FANCM: variants seen among roughly 807,000 people sequenced by gnomAD.
The protein encoded by FANCM is Fanconi anemia group M protein.
A neutral mutation model predicts 199.5 loss-of-function variants in FANCM; 140 were observed. The ratio of observed to expected loss-of-function variants is 0.70; its 90% CI spans 0.61 to 0.81. The LOEUF is 0.81. FANCM is among the 30% of genes least tolerant of loss of function. The pLI is 0.00. For missense variants in FANCM, 2,410 were observed against 2,421.4 expected, an observed-to-expected ratio of 1.00 and a Z score of 0.10; for synonymous variants, 840 against 836.8, an observed-to-expected ratio of 1.00 and a Z score of -0.07.
intron 3 of FANCM, 145 bp from the exon 4 acceptor site, chr14:45,148,692 C>T (rs1886602254): frequency 1.6e-6 from 1 of 622,898 alleles, no homozygotes. Context: ...TTTTTATAGG[C>T]TTATCTTCTT....
At chr14:45,145,314 C>A (rs1886283143) in intron 3 of FANCM, among the ~76,000 whole-genome samples, 2 of 151,910 alleles carry the variant, frequency 1.3e-5, no homozygotes. Flanking sequence ...GGTGCAATCA[C>A]TCCTTTAACT....
chr14:45,185,428 TTAAATATTTTAATC>T lies in FANCM; in HGVS notation c.4672+56_4672+69del. 8 of 1,011,776 alleles carry T rather than the reference TTAAATATTTTAATC, an allele frequency of 7.9e-6. No homozygotes were observed. In the South Asian group the frequency reaches 1.1e-4, roughly 14 times the overall value. 62.7% of individuals were successfully genotyped at this position (1,011,776 alleles called of 1,614,324 possible). On this transcript the variant is annotated intron_variant, in intron 18 of 22. Transcript: ENST00000267430. ...TTTCAATGTTTTTATGTGCTTATATTTAAATATTTTAATCAGTTTTTAATGAAACTAGACCTTAA... is the reference window on the plus strand; with the variant it reads ...TTTCAATGTTTTTATGTGCTTATATTAGTTTTTAATGAAACTAGACCTTAA...
chr14:45,181,772 T>C (rs773642065), intron 16 of FANCM, 67 bp downstream of exon 16: 8 of 925,172 alleles, frequency 8.6e-6, no homozygotes, highest in African/African-American at 3.3e-5. Context: ...GAGAGAAATA[T>C]ATGTGTAGAT....
intron 21 of FANCM, among the ~76,000 whole-genome samples, chr14:45,198,112 A>G (rs1890169033): frequency 6.6e-6 from 1 of 152,156 alleles, no homozygotes; most frequent in African/African-American, 2.4e-5. Flanking sequence ...TGGAATAGAC[A>G]GGAAGGTAAC....
chr14:45,160,816 C>T (rs1887551872), intron 9 of FANCM, among the ~76,000 whole-genome samples: 2 of 152,298 alleles, frequency 1.3e-5, no homozygotes, highest in African/African-American at 4.8e-5. Flanking sequence ...GCTGGGATTA[C>T]AGGCGTGAGC....
chr14:45,157,420 T>C (rs1887275287), intron 8 of FANCM, among the ~76,000 whole-genome samples: 1 of 151,972 alleles, frequency 6.6e-6, no homozygotes, highest in African/African-American at 2.4e-5. Flanking sequence ...AGTTAAGAGT[T>C]TGGAGGAAAA....
chr14:45,172,325 T>C (rs1888391530), intron 12 of FANCM, among the ~76,000 whole-genome samples: 1 of 152,220 alleles, frequency 6.6e-6, no homozygotes, highest in Non-Finnish European at 1.5e-5. Context: ...ATGAACTCTT[T>C]GCCTAAGCCA....
At position 45,153,856 on chromosome 14, in the gene FANCM, T is replaced by C. The variant is rs796856043; in HGVS notation, c.1051-64T>C. ...TTACACTGACTATGGCCTGACAACT[T>C]GGGCATGGAGCATGTATGTTCATTT... On this transcript the variant is annotated intron_variant, in intron 5 of 22. Coordinates refer to ENST00000267430, the MANE Select transcript of FANCM (RefSeq NM_020937.4). 16 of 1,299,894 alleles carry C rather than the reference T, an allele frequency of 1.2e-5. No homozygotes were observed. In the African/African-American group the frequency reaches 2.0e-4, roughly 17 times the overall value. 80.5% of individuals were successfully genotyped at this position (1,299,894 alleles called of 1,614,324 possible). A position where few individuals can be genotyped will look rare whatever the true frequency, so the allele number is the denominator to read the frequency against.
chr14:45,184,937 C>A (rs1366960047), intron 17 of FANCM, among the ~76,000 whole-genome samples: 2 of 147,614 alleles, frequency 1.4e-5, no homozygotes, highest in Admixed American at 1.4e-4. Flanking sequence ...CCACACCCTG[C>A]CAATTTTTTT....
chr14:45,183,637 T>C (rs1318082237), intron 16 of FANCM, 137 bp from the exon 17 acceptor site: 2 of 610,760 alleles, frequency 3.3e-6, no homozygotes, highest in Non-Finnish European at 5.7e-6. Flanking sequence ...ACCTAAGTTA[T>C]TTACTTTTAC....
intron 20 of FANCM, among the ~76,000 whole-genome samples, chr14:45,193,567 G>T (rs1359004680): frequency 6.6e-6 from 1 of 152,186 alleles, no homozygotes; most frequent in Non-Finnish European, 1.5e-5. Context: ...TTTCGTTAAT[G>T]ATATAAAAGT....
In FANCM at chr14:45,167,176, T is replaced by C; in HGVS notation, c.2002+13T>C. 2.0e-6 allele frequency: 3 copies of C among 1,512,168 alleles called. No individual in the cohort carries two copies. The highest frequency in any genetic ancestry group is 2.8e-6 in the Non-Finnish European group (3 of 1,087,150). The allele number at this position is 1,512,168 out of a possible 1,614,324, so 93.7% of individuals were successfully genotyped here. A position where few individuals can be genotyped will look rare whatever the true frequency, so the allele number is the denominator to read the frequency against. On this transcript the variant is annotated intron_variant, in intron 11 of 22. Transcript: ENST00000267430. ...TCCTATAGGGATGGTAAATAAATTT[T>C]GCATTTGACACATGCATTTTTCCCC...
At chr14:45,199,820 A>G in intron 22 of FANCM, 50 bp from the exon 23 acceptor site, 1 of 1,581,082 alleles carries the variant, frequency 6.3e-7, no homozygotes, top group Non-Finnish European at 8.7e-7. Flanking sequence ...ATTAAATTTT[A>G]TAAAAGCCAA....
chr14:45,172,401 C>T (rs116439864), intron 12 of FANCM, among the ~76,000 whole-genome samples: 2,692 of 152,114 alleles, frequency 0.018, 93 homozygotes, highest in African/African-American at 0.061. Context: ...GGTAGGGCTT[C>T]GATCCATCTT....
intron 9 of FANCM, among the ~76,000 whole-genome samples, chr14:45,162,793 CT>C (rs1241733527): frequency 3.3e-5 from 5 of 151,586 alleles, no homozygotes; most frequent in African/African-American, 1.2e-4. Flanking sequence ...TACATGTTAA[CT>C]AAAAAGAAAA....
Position 45,176,518 on chromosome 14 carries a change from C to A in FANCM, c.3764C>A (p.Pro1255His). 6.2e-7 allele frequency: 1 copy of A among 1,602,756 alleles called. No individual in the cohort carries two copies. Among genetic ancestry groups the A allele is most frequent in the Non-Finnish European group, 8.5e-7 (1 of 1,174,418 alleles). The change falls in exon 14 of 23, where the codon CCT (proline) becomes CAT (histidine). Residue 1255 changes from proline to histidine, a missense_variant. Physicochemically the swap from Pro to His is moderately conservative, Grantham distance 77 (BLOSUM62 -2). Coordinates refer to ENST00000267430, the MANE Select transcript of FANCM (RefSeq NM_020937.4). ...ILEHTSDSNR[P>H]LDDLYGRYLE... Reference sequence around the variant, plus strand: ...GAACATACATCAGATAGCAATAGACCTCTAGATGATCTATATGGAAGGTAT... The same window carrying A: ...GAACATACATCAGATAGCAATAGACATCTAGATGATCTATATGGAAGGTAT...
chr14:45,184,168 T>C (rs563940650), intron 17 of FANCM, among the ~76,000 whole-genome samples: 1 of 152,160 alleles, frequency 6.6e-6, no homozygotes, highest in Non-Finnish European at 1.5e-5. Context: ...ATGTTTCAAA[T>C]TGAAGAAAAT....
In FANCM at chr14:45,176,898, G is replaced by T; in HGVS notation, c.4144G>T (p.Asp1382Tyr). 6.2e-7 allele frequency: 1 copy of T among 1,611,466 alleles called. No homozygotes were observed. The highest frequency in any genetic ancestry group is 8.5e-7 in the Non-Finnish European group (1 of 1,178,160). Residue 1382 changes from aspartate to tyrosine, a missense_variant, in exon 14 of 23, where the codon GAT (aspartate) becomes TAT (tyrosine). Coordinates refer to ENST00000267430, the MANE Select transcript of FANCM (RefSeq NM_020937.4). ...RFKEALNSTF[D>Y]YSEFSLEKSK... ...CAAAGAAGCATTGAATTCAACTTTTGATTATTCAGAATTTTCTCTAGAAAA... is the reference window on the plus strand; with the variant it reads ...CAAAGAAGCATTGAATTCAACTTTTTATTATTCAGAATTTTCTCTAGAAAA...
Position 45,141,806 on chromosome 14 carries a change from C to T in FANCM, c.759+1097C>T, listed in dbSNP as rs560084835. 5.9e-5 allele frequency among the ~76,000 whole-genome samples: 9 copies of T among 151,968 alleles called. No homozygotes were observed. In the South Asian group the frequency reaches 1.2e-3, roughly 21 times the overall value. ...GGTTTCACCATGTTGGCCAGCTGGT[C>T]TCCAACTCCTGACCTCAGGTGATCT... On this transcript the variant is annotated intron_variant, in intron 3 of 22. Coordinates refer to ENST00000267430, the MANE Select transcript of FANCM (RefSeq NM_020937.4).
Sources: allele counts gnomAD v4.1 joint callset (sites outside exome capture counted in the v4.1 genomes callset), GRCh38; gene constraint gnomAD v4.1.1; transcripts MANE v1.5; gene names NCBI Gene and HGNC (gene_info 2026-07-23, HGNC 2026-07-21).